The following COMMD10 variants were observed in gnomAD, a reference collection of about 807,000 sequenced individuals.
COMMD10 encodes the protein COMM domain-containing protein 10.
Under a neutral mutation model 28.9 loss-of-function variants are expected in COMMD10, and 33 were observed. That is an observed-to-expected ratio of 1.14 (90% confidence interval 0.87 to 1.53). The LOEUF is 1.53. Ranked by LOEUF, COMMD10 falls within the 40% of genes most tolerant of loss-of-function variation. The pLI, the probability that COMMD10 is intolerant of heterozygous loss-of-function variation, is 0.00. For synonymous variants in COMMD10, 110 were observed against 81.7 expected (o/e 1.35, Z -1.87); for missense variants, 310 against 233.4 (o/e 1.33, Z -2.14).
chr5:116,087,455 T>G, intron 1 of COMMD10, 42 bp from the exon 2 acceptor site: 1 of 1,259,728 alleles, frequency 7.9e-7, no homozygotes, highest in Non-Finnish European at 1.2e-6. Flanking sequence ...CAGTTCAACT[T>G]GGAAAACTCA....
intron 5 of COMMD10, among the ~76,000 whole-genome samples, chr5:116,180,058 G>A (rs1391972743): frequency 6.6e-6 from 1 of 152,084 alleles, no homozygotes; most frequent in East Asian, 1.9e-4. Flanking sequence ...CAGTATTAAA[G>A]CTTACTGTAA....
chr5:116,291,175 G>C (rs1455642446), intron 5 of COMMD10, among the ~76,000 whole-genome samples: 4 of 152,126 alleles, frequency 2.6e-5, no homozygotes, highest in Non-Finnish European at 5.9e-5. Flanking sequence ...GTATTTACTA[G>C]ATTTCAAACA....
intron 5 of COMMD10, among the ~76,000 whole-genome samples, chr5:116,280,081 G>A (rs1269309491): frequency 2.0e-5 from 3 of 151,786 alleles, no homozygotes; most frequent in Non-Finnish European, 2.9e-5. Flanking sequence ...TATTTTATGA[G>A]TTATTTCACC....
intron 5 of COMMD10, among the ~76,000 whole-genome samples, chr5:116,278,022 A>C (rs1750966317): frequency 6.6e-6 from 1 of 151,842 alleles, no homozygotes; most frequent in South Asian, 2.1e-4. Flanking sequence ...ATAGAATTTC[A>C]ATTTATTGTT....
At chr5:116,257,843 A>T (rs1750333711) in intron 5 of COMMD10, among the ~76,000 whole-genome samples, 1 of 151,742 alleles carries the variant, frequency 6.6e-6, no homozygotes. Flanking sequence ...TACAAGGTAA[A>T]GATTTTGTGG....
At chr5:116,230,496 A>T (rs748803849) in intron 5 of COMMD10, among the ~76,000 whole-genome samples, 1 of 151,986 alleles carries the variant, frequency 6.6e-6, no homozygotes, top group Non-Finnish European at 1.5e-5. Context: ...GATTTCTAAT[A>T]AATACCTGCT....
At chr5:116,099,085 T>A (rs1342182741) in intron 4 of COMMD10, among the ~76,000 whole-genome samples, 1 of 152,158 alleles carries the variant, frequency 6.6e-6, no homozygotes, top group Non-Finnish European at 1.5e-5. Context: ...CTTAATTTGT[T>A]TTATAGCTAA....
chr5:116,272,042 A>G (rs929168417), intron 5 of COMMD10, among the ~76,000 whole-genome samples: 19 of 151,850 alleles, frequency 1.3e-4, no homozygotes, highest in African/African-American at 4.6e-4. Flanking sequence ...GGTACTTCAA[A>G]AAGGTCAAGG....
intron 5 of COMMD10, among the ~76,000 whole-genome samples, chr5:116,221,202 A>G (rs751462348): frequency 2.6e-5 from 4 of 151,942 alleles, no homozygotes; most frequent in African/African-American, 9.7e-5. Context: ...TGTCTCAGCA[A>G]ATGCACTCGG....
intron 5 of COMMD10, among the ~76,000 whole-genome samples, chr5:116,212,619 A>G (rs1580553036): frequency 1.3e-5 from 2 of 151,932 alleles, no homozygotes; most frequent in African/African-American, 2.4e-5. Flanking sequence ...TAAAATAAGC[A>G]TGTAAGCTGT....
At position 116,169,379 on chromosome 5, in the gene COMMD10, C is replaced by T. The variant is rs140903723; in HGVS notation, c.510+35201C>T. Among the ~76,000 whole-genome samples, 305 of 152,090 alleles carry T rather than the reference C, an allele frequency of 2.0e-3. 2 individuals are homozygous for T. Among genetic ancestry groups the T allele is most frequent in the African/African-American group, 7.0e-3 (289 of 41,472 alleles). ...AATGGGCTACCAACCAAAAAAAAGC[C>T]CAGGACCACACAGATTCATAGCTGA... On this transcript the variant is annotated intron_variant, in intron 5 of 6. Coordinates refer to ENST00000274458, the MANE Select transcript of COMMD10 (RefSeq NM_016144.4).
chr5:116,216,159 A>G (rs1403240316), intron 5 of COMMD10, among the ~76,000 whole-genome samples: 8 of 152,204 alleles, frequency 5.3e-5, no homozygotes, highest in Non-Finnish European at 1.0e-4. Context: ...TTTTGCCTAC[A>G]TCTTTAACAT....
intron 5 of COMMD10, among the ~76,000 whole-genome samples, chr5:116,209,644 G>A (rs1043782029): frequency 6.6e-6 from 1 of 152,098 alleles, no homozygotes; most frequent in Non-Finnish European, 1.5e-5. Context: ...AAAAGCCAAC[G>A]TATAAAATTC....
chr5:116,170,546 G>T (rs1489687635), intron 5 of COMMD10, among the ~76,000 whole-genome samples: 1 of 152,122 alleles, frequency 6.6e-6, no homozygotes, highest in Admixed American at 6.5e-5. Context: ...TAAGCAAAAA[G>T]AACAAAGCTG....
chr5:116,132,245 T>G (rs1425321112), intron 4 of COMMD10, among the ~76,000 whole-genome samples: 6 of 152,152 alleles, frequency 3.9e-5, no homozygotes, highest in East Asian at 1.9e-4. Context: ...ACTTTATAGT[T>G]TCCAAAATCC....
At chr5:116,247,944 A>C (rs73259092) in intron 5 of COMMD10, among the ~76,000 whole-genome samples, 2,526 of 151,844 alleles carry the variant, frequency 0.017, 75 homozygotes, top group African/African-American at 0.058. Flanking sequence ...AAATATGCAC[A>C]TGTACCCCTG....
At chr5:116,211,646 C>G (rs1007571234) in intron 5 of COMMD10, among the ~76,000 whole-genome samples, 3 of 152,030 alleles carry the variant, frequency 2.0e-5, no homozygotes, top group African/African-American at 4.8e-5. Flanking sequence ...TAGTAACGCT[C>G]AAATAACATA....
Position 116,103,401 on chromosome 5 carries a change from G to T in COMMD10, c.399+10701G>T, listed in dbSNP as rs184193578. Among the ~76,000 whole-genome samples the T allele has an allele frequency of 1.4e-4, 21 of 152,252 alleles. No homozygotes were observed. The East Asian group carries it at 2.9e-3, about 21-fold the overall frequency. On this transcript the variant is annotated intron_variant, in intron 4 of 6. Transcript: ENST00000274458. ...TGGTATCTCATTGTGGTTTTGATTT[G>T]CATTTCTCTAATGACCAGTGGTGAT...
intron 4 of COMMD10, among the ~76,000 whole-genome samples, chr5:116,108,036 C>CT: frequency 6.6e-6 from 1 of 152,236 alleles, no homozygotes; most frequent in Admixed American, 6.5e-5. Context: ...CCTCTTGCTT[C>CT]TTCCTGAAGC....
Sources: allele counts gnomAD v4.1 joint callset (sites outside exome capture counted in the v4.1 genomes callset), GRCh38; gene constraint gnomAD v4.1.1; transcripts MANE v1.5; gene names NCBI Gene and HGNC (gene_info 2026-07-23, HGNC 2026-07-21).